The following BMP2K variants were observed in gnomAD, a reference collection of about 807,000 sequenced individuals.
The protein encoded by BMP2K is BMP-2-inducible protein kinase.
BMP2K carries 74 observed loss-of-function variants against 116.0 expected under a neutral mutation model. The ratio of observed to expected loss-of-function variants is 0.64; its 90% CI spans 0.53 to 0.77. The LOEUF (loss-of-function observed/expected upper bound fraction) is 0.77, where lower values mean the gene tolerates loss of function less well. Ranked by LOEUF, BMP2K falls within the 30% of genes least tolerant of loss-of-function variation. The pLI, the probability that BMP2K is intolerant of heterozygous loss-of-function variation, is 0.00. For synonymous variants in BMP2K, 486 were observed against 502.5 expected (o/e 0.97, Z 0.44); for missense variants, 1,365 against 1,403.6 (o/e 0.97, Z 0.44).
At chr4:78,858,447 C>T (rs1323779707) in intron 7 of BMP2K, among the ~76,000 whole-genome samples, 1 of 151,794 alleles carries the variant, frequency 6.6e-6, no homozygotes, top group Non-Finnish European at 1.5e-5. Flanking sequence ...TATATGTTAG[C>T]ATTATAAATA....
intron 13 of BMP2K, among the ~76,000 whole-genome samples, chr4:78,875,531 C>A (rs984786298): frequency 6.6e-6 from 1 of 152,054 alleles, no homozygotes; most frequent in Non-Finnish European, 1.5e-5. Flanking sequence ...TATAATTGCC[C>A]TGTTATATTA....
At chr4:78,788,948 T>G (rs1727875469) in intron 1 of BMP2K, among the ~76,000 whole-genome samples, 2 of 150,254 alleles carry the variant, frequency 1.3e-5, no homozygotes. Context: ...AAAGTTGTGG[T>G]GGGCCATTAT....
At chr4:78,829,787 T>TTTCTCTCTTCTCTTCTC (rs1730094701) in intron 2 of BMP2K, among the ~76,000 whole-genome samples, 2 of 86,596 alleles carry the variant, frequency 2.3e-5, no homozygotes, top group East Asian at 4.1e-4. Flanking sequence ...TTTCTTTTCT[T>TTTCTCTCTTCTCTTCTC]TTCTCTTCTC....
intron 1 of BMP2K, among the ~76,000 whole-genome samples, chr4:78,823,072 G>A (rs1287510220): frequency 6.6e-6 from 1 of 152,004 alleles, no homozygotes; most frequent in Non-Finnish European, 1.5e-5. Flanking sequence ...TACAATTAAC[G>A]ATCACTGTTT....
At chr4:78,792,284 ATG>A (rs1728040046) in intron 1 of BMP2K, among the ~76,000 whole-genome samples, 2 of 152,198 alleles carry the variant, frequency 1.3e-5, no homozygotes, top group South Asian at 4.1e-4. Context: ...TTTTAAGTAT[ATG>A]TCTTTTTAAT....
intron 3 of BMP2K, among the ~76,000 whole-genome samples, chr4:78,839,875 C>A (rs928897560): frequency 2.6e-5 from 4 of 152,044 alleles, no homozygotes; most frequent in Non-Finnish European, 5.9e-5. Context: ...TTAGATTGTG[C>A]CCACCCAGAT....
In BMP2K at chr4:78,915,273, C is replaced by A. The variant is rs1463128725; in HGVS notation, c.*3240C>A. 2.6e-5 allele frequency: 4 copies of A among 151,906 alleles called. No individual in the cohort carries two copies. Among genetic ancestry groups the A allele is most frequent in the Non-Finnish European group, 2.9e-5 (2 of 67,878 alleles). The allele number at this position is 151,906 out of a possible 1,614,324, so 9.4% of individuals were successfully genotyped here. ...TGCTGGTGGAAAATCTAAGGTGGAG[C>A]CCACTCTTCTATGCTGAAGTTCACC... On this transcript the variant is annotated 3_prime_UTR_variant, in exon 16 of 16. Transcript: ENST00000502613.
At chr4:78,816,386 T>G (rs1187885470) in intron 1 of BMP2K, among the ~76,000 whole-genome samples, 1 of 152,164 alleles carries the variant, frequency 6.6e-6, no homozygotes, top group Non-Finnish European at 1.5e-5. Context: ...TCATCTATGA[T>G]TTTAGCATAC....
At chr4:78,854,417 G>A (rs775683446) in intron 7 of BMP2K, among the ~76,000 whole-genome samples, 10 of 151,950 alleles carry the variant, frequency 6.6e-5, no homozygotes, top group Non-Finnish European at 1.2e-4. Context: ...GGGACTACAG[G>A]CCTATGCCAC....
chr4:78,893,207 C>G (rs1733533521), intron 15 of BMP2K, among the ~76,000 whole-genome samples: 1 of 152,214 alleles, frequency 6.6e-6, no homozygotes, highest in South Asian at 2.1e-4. Context: ...GATTCCATCT[C>G]AAGAAACCAC....
chr4:78,842,826 T>C (rs1182782022), intron 4 of BMP2K, among the ~76,000 whole-genome samples: 1 of 152,012 alleles, frequency 6.6e-6, no homozygotes, highest in African/African-American at 2.4e-5. Context: ...TTCATTGACA[T>C]ATGTTAAATG....
chr4:78,864,554 T>C (rs1233547204), intron 9 of BMP2K, among the ~76,000 whole-genome samples: 1 of 142,108 alleles, frequency 7.0e-6, no homozygotes, highest in African/African-American at 3.0e-5. Flanking sequence ...TGATTCAGTG[T>C]CACGTTTTTT....
Position 78,865,721 on chromosome 4 carries a change from G to A in BMP2K, c.1231+1G>A, listed in dbSNP as rs753716105. The A allele has an allele frequency of 1.2e-6, 2 of 1,613,634 alleles. No homozygotes were observed. Among genetic ancestry groups the A allele is most frequent in the South Asian group, 1.1e-5 (1 of 91,064 alleles). ...GAATTCGGTAACCATAGACCAAAAG[G>A]TAATAGAGCCCCGCCAACCTCATCC... On this transcript the variant is annotated splice_donor_variant, in intron 10 of 15. Coordinates refer to ENST00000502613, the MANE Select transcript of BMP2K (RefSeq NM_198892.2). LOFTEE classifies it high-confidence loss of function.
At chr4:78,813,069 G>A (rs917851532) in intron 1 of BMP2K, among the ~76,000 whole-genome samples, 3 of 151,778 alleles carry the variant, frequency 2.0e-5, no homozygotes, top group African/African-American at 7.3e-5. Context: ...AAGATATGCA[G>A]AAACACATGA....
chr4:78,851,461 CG>C (rs1731248088), intron 7 of BMP2K, among the ~76,000 whole-genome samples: 1 of 151,956 alleles, frequency 6.6e-6, no homozygotes, highest in South Asian at 2.1e-4. Context: ...ATTTGAGGAG[CG>C]GGGAGGACCA....
intron 1 of BMP2K, among the ~76,000 whole-genome samples, chr4:78,814,900 A>G (rs1358903485): frequency 6.6e-6 from 1 of 152,156 alleles, no homozygotes; most frequent in Admixed American, 6.6e-5. Flanking sequence ...CTTTAATTTC[A>G]TAGTGGCTTA....
intron 1 of BMP2K, among the ~76,000 whole-genome samples, chr4:78,811,208 TTCTG>T (rs1208677921): frequency 6.6e-6 from 1 of 152,198 alleles, no homozygotes; most frequent in Non-Finnish European, 1.5e-5. Context: ...TTAGATTACT[TTCTG>T]TCTCTCATTC....
intron 12 of BMP2K, 38 bp downstream of exon 12, chr4:78,871,986 C>T (rs1301966854): frequency 2.1e-6 from 3 of 1,404,124 alleles, no homozygotes; most frequent in African/African-American, 2.9e-5. Context: ...TCTGAGTATA[C>T]ATTATGGTGT....
intron 6 of BMP2K, among the ~76,000 whole-genome samples, chr4:78,848,024 G>A (rs919928884): frequency 6.6e-6 from 1 of 151,550 alleles, no homozygotes; most frequent in African/African-American, 2.4e-5. Flanking sequence ...TTTTGAAAAC[G>A]TAATGTACAG....
Sources: allele counts gnomAD v4.1 joint callset (sites outside exome capture counted in the v4.1 genomes callset), GRCh38; gene constraint gnomAD v4.1.1; transcripts MANE v1.5; gene names NCBI Gene and HGNC (gene_info 2026-07-23, HGNC 2026-07-21).